Variants in PRAMEF2 observed in about 807,000 individuals in gnomAD.
The protein encoded by PRAMEF2 is PRAME family member 2.
A neutral mutation model predicts 38.0 loss-of-function variants in PRAMEF2; 35 were observed. The observed-to-expected ratio is 0.92, with a 90% CI of 0.70 to 1.22. PRAMEF2 has a LOEUF of 1.22. PRAMEF2 is among the 50% of genes most tolerant of loss of function. The pLI is 0.00. For synonymous variants in PRAMEF2, 240 were observed against 232.4 expected (o/e 1.03, Z -0.30); for missense variants, 562 against 553.9 (o/e 1.01, Z -0.15).
At chr1:12,858,721 G>A (rs1485682196) in intron 1 of PRAMEF2, among the ~76,000 whole-genome samples, 1 of 149,716 alleles carries the variant, frequency 6.7e-6, no homozygotes, top group Admixed American at 6.9e-5. Context: ...GCACTGTCCA[G>A]TGGTTCTGGG....
rs1386681955 is a variant in PRAMEF2, at chr1:12,861,655, G to T, written c.1301G>T (p.Arg434Leu). Reference protein sequence around the residue: ...RVNWEIFTPLRAELMCTLREF... With the variant: ...RVNWEIFTPLLAELMCTLREF... ...AATTGGGAGATCTTCACCCCACTTC[G>T]GGCTGAGCTGATGTGTACACTGAGG... is the stretch of plus-strand genomic sequence containing the variant. The change falls in exon 4 of 4, where the codon CGG becomes CTG. Residue 434 changes from arginine to leucine, a missense_variant. Physicochemically the swap from Arg to Leu is moderately radical, Grantham distance 102. This residue lies in a region of PRAMEF2 where 76 missense variants were observed against 109.6 expected (regional missense o/e 0.69). Coordinates refer to ENST00000240189, the MANE Select transcript of PRAMEF2 (RefSeq NM_023014.1). The T allele has an allele frequency of 1.3e-6, 2 of 1,595,530 alleles. No individual in the cohort carries two copies. The highest frequency in any genetic ancestry group is 1.7e-5 in the Admixed American group (1 of 57,304).
intron 3 of PRAMEF2, 111 bp downstream of exon 3, chr1:12,860,382 A>T: frequency 6.5e-7 from 1 of 1,531,522 alleles, no homozygotes; most frequent in Non-Finnish European, 8.9e-7. Context: ...GTCACAGTGA[A>T]GGGAACACCA....
At chr1:12,860,450 T>A (rs1436723562) in intron 3 of PRAMEF2, among the ~76,000 whole-genome samples, 179 bp downstream of exon 3, 9 of 150,100 alleles carry the variant, frequency 6.0e-5, no homozygotes, top group South Asian at 2.1e-4. Context: ...TATCACAGGA[T>A]CGCTCCAATA....
At position 12,860,285 on chromosome 1, in the gene PRAMEF2, G is replaced by A. The variant is rs202064543; in HGVS notation, c.866+14G>A. The A allele has an allele frequency of 1.1e-4, 179 of 1,591,038 alleles. 8 individuals carry two copies. The African/African-American group carries it at 1.9e-3, about 17-fold the overall frequency. On this transcript the variant is annotated intron_variant, in intron 3 of 3. Coordinates refer to ENST00000240189, the MANE Select transcript of PRAMEF2 (RefSeq NM_023014.1). ...ACAGCTGATCAGGTGAGAAAGGATT[G>A]TGCACTTTGTATGCAGACCACAGCA...
At chr1:12,857,194 G>T (rs577389466) in intron 1 of PRAMEF2, 47 bp downstream of exon 1, 2 of 148,024 alleles carry the variant, frequency 1.4e-5, no homozygotes, top group South Asian at 4.3e-4. Flanking sequence ...TCAGCAGCCA[G>T]CCAGTCAGGG....
Position 12,859,760 on chromosome 1 carries a change from G to A in PRAMEF2, c.355G>A (p.Ala119Thr). 1 of 1,595,236 alleles carries A rather than the reference G, an allele frequency of 6.3e-7. No individual in the cohort carries two copies. Among genetic ancestry groups the A allele is most frequent in the Non-Finnish European group, 8.5e-7 (1 of 1,169,690 alleles). Residue 119 changes from alanine (A) to threonine (T), a missense_variant, in exon 3 of 4, where the codon GCC (alanine) becomes ACC (threonine). Ala to Thr is a moderately conservative substitution (Grantham distance 58). Transcript: ENST00000240189. ...GAATTTCTGGGCCAGATGGCCTGGA[G>A]CCTGGGCCCTGTCCTGCTTCCCAGA... ...DENFWARWPG[A>T]WALSCFPEAM...
Position 12,861,484 on chromosome 1 carries a change from C to T in PRAMEF2, c.1130C>T (p.Ser377Phe). Residue 377 changes from serine (S) to phenylalanine (F), a missense_variant, in exon 4 of 4, where the codon TCC becomes TTC. Physicochemically the swap from Ser to Phe is radical, Grantham distance 155. Coordinates refer to ENST00000240189, the MANE Select transcript of PRAMEF2 (RefSeq NM_023014.1). Reference sequence around the variant, plus strand: ...ATCCTGCCTGGCCTGAGCTGCTGCTCCCAGCTCACCACCTTCTACTTTGGC... The same window carrying T: ...ATCCTGCCTGGCCTGAGCTGCTGCTTCCAGCTCACCACCTTCTACTTTGGC... ...SAILPGLSCC[S>F]QLTTFYFGSN... is the part of the protein sequence containing the mutation. 2.5e-6 allele frequency: 4 copies of T among 1,606,206 alleles called. No individual in the cohort carries two copies. Among genetic ancestry groups the T allele is most frequent in the Non-Finnish European group, 3.4e-6 (4 of 1,177,518 alleles).
At chr1:12,859,656 C>G in intron 2 of PRAMEF2, 37 bp from the exon 3 acceptor site, 1 of 1,598,994 alleles carries the variant, frequency 6.3e-7, no homozygotes, top group Non-Finnish European at 8.5e-7. Flanking sequence ...GGATGAGTCC[C>G]TCTAAATTCT....
intron 1 of PRAMEF2, among the ~76,000 whole-genome samples, chr1:12,858,317 T>C (rs1310374374): frequency 1.3e-5 from 2 of 150,180 alleles, no homozygotes; most frequent in African/African-American, 4.9e-5. Flanking sequence ...AGTGCAGTGG[T>C]GTGATGTCGG....
intron 3 of PRAMEF2, among the ~76,000 whole-genome samples, chr1:12,860,489 C>G (rs1640529914): frequency 6.7e-6 from 1 of 149,288 alleles, no homozygotes; most frequent in South Asian, 2.1e-4. Flanking sequence ...GGGGTAGAAG[C>G]TAGAGAGGGA....
rs552729034 is a variant in PRAMEF2 at position 12,859,863 on chromosome 1, T to C, written c.458T>C (p.Ile153Thr). 2 of 1,607,856 alleles carry C rather than the reference T, an allele frequency of 1.2e-6. No individual in the cohort carries two copies. Among genetic ancestry groups the C allele is most frequent in the South Asian group, 2.2e-5 (2 of 90,792 alleles). The change falls in exon 3 of 4, where the codon ATC (isoleucine) becomes ACC (threonine). Residue 153 changes from isoleucine to threonine, a missense_variant. By Grantham distance (89) the Ile-to-Thr change is moderately conservative. This residue lies in a region of PRAMEF2 where 486 missense variants were observed against 444.2 expected (regional missense o/e 1.09). Transcript: ENST00000240189. ...CAGCCCTTAAAGGTGTTCATAGACA[T>C]CTGCCTCAAGGAAATACCCCAGGAT... The part of the protein sequence containing the change: ...EHQPLKVFID[I>T]CLKEIPQDEC...
chr1:12,861,269 A>G lies in PRAMEF2; in HGVS notation c.915A>G (p.Leu305=). Residue 305 remains leucine (L), a synonymous_variant, in exon 4 of 4, where the codon CTA becomes CTG. Coordinates refer to ENST00000240189, the MANE Select transcript of PRAMEF2 (RefSeq NM_023014.1). ...LENLELTCGN[L]LEEDLKCLSQ... is the part of the protein sequence containing the mutation. ...ACTTGGAATTAACTTGTGGCAACCT[A>G]TTAGAAGAGGACTTGAAGTGTCTCT... is the stretch of plus-strand genomic sequence containing the variant. 2 of 1,607,744 alleles carry G rather than the reference A, an allele frequency of 1.2e-6. No individual in the cohort carries two copies. The highest frequency in any genetic ancestry group is 1.1e-5 in the South Asian group (1 of 90,720).
chr1:12,857,946 C>A (rs2790800), intron 1 of PRAMEF2, among the ~76,000 whole-genome samples: 604 of 139,476 alleles, frequency 4.3e-3, no homozygotes, highest in East Asian at 0.022. Context: ...AGATCTGCCC[C>A]CCTCAGACTC....
Position 12,858,106 on chromosome 1 carries a change from C to T in PRAMEF2, c.-25-879C>T, listed in dbSNP as rs2790801. Reference sequence around the variant, plus strand: ...TTTTTTCTGCGATGTACTCTGAGTGCGTCACCCAGACTGGAGTGCAGGGCC... The same window carrying T: ...TTTTTTCTGCGATGTACTCTGAGTGTGTCACCCAGACTGGAGTGCAGGGCC... On this transcript the variant is annotated intron_variant, in intron 1 of 3. Coordinates refer to ENST00000240189, the MANE Select transcript of PRAMEF2 (RefSeq NM_023014.1). 2.6e-3 allele frequency among the ~76,000 whole-genome samples: 396 copies of T among 149,834 alleles called. 10 individuals carry two copies. Among genetic ancestry groups the T allele is most frequent in the Non-Finnish European group, 4.4e-3 (299 of 67,474 alleles).
chr1:12,859,966 T>C lies in PRAMEF2; in HGVS notation c.561T>C (p.Asn187=), dbSNP rs1209283835. ...LVHLCCSKLV[N]YLTPIKYLRK... is the part of the protein sequence containing the mutation. ...ACCTGTGCTGTAGTAAGCTGGTCAATTATCTAACGCCAATTAAATATCTCA... is the reference window on the plus strand; with the variant it reads ...ACCTGTGCTGTAGTAAGCTGGTCAACTATCTAACGCCAATTAAATATCTCA... Residue 187 remains asparagine (N), a synonymous_variant, in exon 3 of 4, where the codon AAT becomes AAC. Transcript: ENST00000240189. The C allele has an allele frequency of 1.9e-6, 3 of 1,607,876 alleles. No individual in the cohort carries two copies. Among genetic ancestry groups the C allele is most frequent in the Non-Finnish European group, 2.5e-6 (3 of 1,176,986 alleles).
intron 1 of PRAMEF2, 70 bp from the exon 2 acceptor site, chr1:12,858,915 G>C (rs978892881): frequency 5.3e-6 from 8 of 1,502,096 alleles, no homozygotes; most frequent in East Asian, 4.5e-5. Context: ...AATGATATTG[G>C]TCCTAGGAGA....
In PRAMEF2 at chr1:12,859,001, T is replaced by A. The variant is rs749837960; in HGVS notation, c.-9T>A. On this transcript the variant is annotated 5_prime_UTR_variant, in exon 2 of 4. Coordinates refer to ENST00000240189, the MANE Select transcript of PRAMEF2 (RefSeq NM_023014.1). ...GTCTTCTAGAGATTTTTCTTGCAGA[T>A]CCATCAGGATGAGCATCCAGGCCCC... 37 of 1,597,916 alleles carry A rather than the reference T, an allele frequency of 2.3e-5. 1 individual carries two copies. In the East Asian group the frequency reaches 8.1e-4, roughly 35 times the overall value.
At chr1:12,858,289 C>G (rs980355927) in intron 1 of PRAMEF2, among the ~76,000 whole-genome samples, 3 of 149,718 alleles carry the variant, frequency 2.0e-5, no homozygotes, top group Non-Finnish European at 4.4e-5. Flanking sequence ...CAGAGTCCAA[C>G]GCTGTCACCC....
In PRAMEF2 at chr1:12,861,540, G is replaced by T; in HGVS notation, c.1186G>T (p.Asp396Tyr). The T allele has an allele frequency of 6.2e-7, 1 of 1,605,402 alleles. No individual in the cohort carries two copies. Among genetic ancestry groups the T allele is most frequent in the Non-Finnish European group, 8.5e-7 (1 of 1,176,870 alleles). Residue 396 changes from aspartate to tyrosine, a missense_variant, in exon 4 of 4, where the codon GAC becomes TAC. Physicochemically the swap from Asp to Tyr is radical, Grantham distance 160. Coordinates refer to ENST00000240189, the MANE Select transcript of PRAMEF2 (RefSeq NM_023014.1). The part of the protein sequence containing the change: ...SNCMSIDALK[D>Y]LLRHTSGLSK... ...TTGCATGTCTATTGACGCCCTGAAGGACCTGCTGCGCCACACCAGTGGGCT... is the reference window on the plus strand; with the variant it reads ...TTGCATGTCTATTGACGCCCTGAAGTACCTGCTGCGCCACACCAGTGGGCT...
Sources: allele counts gnomAD v4.1 joint callset (sites outside exome capture counted in the v4.1 genomes callset), GRCh38; gene constraint gnomAD v4.1.1; regional missense constraint gnomAD v4.1.1; transcripts MANE v1.5; gene names NCBI Gene and HGNC (gene_info 2026-07-23, HGNC 2026-07-21).